SYT14: variants seen among roughly 807,000 people sequenced by gnomAD.
SYT14 encodes synaptotagmin 14, also known as synaptotagmin-14.
In SYT14, 32 loss-of-function variants were observed where a neutral mutation model predicts 74.2. That is an observed-to-expected ratio of 0.43 (90% CI 0.33 to 0.58). The LOEUF (loss-of-function observed/expected upper bound fraction) is 0.58, where lower values mean the gene tolerates loss of function less well. SYT14 is among the 20% of genes least tolerant of loss of function. The probability of loss-of-function intolerance (pLI) is 0.05; values close to 1 mark genes in which losing one functional copy is unlikely to be tolerated. For missense variants in SYT14, 791 were observed against 981.8 expected (o/e 0.81, Z 2.60); for synonymous variants, 298 against 337.7 (o/e 0.88, Z 1.29).
intron 5 of SYT14, among the ~76,000 whole-genome samples, chr1:210,056,541 C>G (rs1014580052): frequency 1.3e-5 from 2 of 151,364 alleles, no homozygotes; most frequent in Non-Finnish European, 2.9e-5. Flanking sequence ...TGGGGCCGGG[C>G]ACAGTGGCTC....
chr1:210,140,864 T>G (rs11800867), intron 7 of SYT14, among the ~76,000 whole-genome samples: 2,812 of 152,264 alleles, frequency 0.018, 102 homozygotes, highest in African/African-American at 0.063. Context: ...TATTTGTCTA[T>G]CCTTCTGCCA....
chr1:209,946,406 A>G (rs1266209295), intron 1 of SYT14, among the ~76,000 whole-genome samples: 1 of 152,250 alleles, frequency 6.6e-6, no homozygotes, highest in Non-Finnish European at 1.5e-5. Context: ...TGTAGTGAAC[A>G]CATGAGTGAC....
intron 2 of SYT14, among the ~76,000 whole-genome samples, chr1:209,995,347 A>G (rs539256138): frequency 6.6e-6 from 1 of 152,320 alleles, no homozygotes; most frequent in Non-Finnish European, 1.5e-5. Flanking sequence ...TTCTTATATC[A>G]GATAAAACAT....
Position 210,021,255 on chromosome 1 carries a change from G to A in SYT14, c.1312+1G>A. 1 of 1,613,016 alleles carries A rather than the reference G, an allele frequency of 6.2e-7. No homozygotes were observed. ...AGTAGTGAAGCATCAATAGATGAAG[G>A]TAAGATGGGCTGTTTTATTTTTTTT... On this transcript the variant is annotated splice_donor_variant, in intron 5 of 9. Coordinates refer to ENST00000637265, the Ensembl canonical transcript of SYT14. LOFTEE classifies it high-confidence loss of function.
chr1:210,045,401 C>G (rs1164914825), intron 5 of SYT14, among the ~76,000 whole-genome samples: 1 of 152,168 alleles, frequency 6.6e-6, no homozygotes, highest in South Asian at 2.1e-4. Context: ...TTCAAATTAA[C>G]ACACTTAAAA....
intron 5 of SYT14, among the ~76,000 whole-genome samples, chr1:210,054,686 CAT>C (rs754732827): frequency 1.6e-4 from 25 of 152,178 alleles, no homozygotes; most frequent in Non-Finnish European, 3.5e-4. Context: ...CAGACTCCCA[CAT>C]GTCAGTGTTT....
intron 7 of SYT14, among the ~76,000 whole-genome samples, chr1:210,136,257 G>A (rs1225211102): frequency 6.6e-6 from 1 of 151,998 alleles, no homozygotes; most frequent in Non-Finnish European, 1.5e-5. Flanking sequence ...CATATTGAGA[G>A]GTGTGTGTGT....
At chr1:209,962,432 T>TA (rs2079090632) in intron 2 of SYT14, among the ~76,000 whole-genome samples, 1 of 152,000 alleles carries the variant, frequency 6.6e-6, no homozygotes, top group Non-Finnish European at 1.5e-5. Context: ...GTTGTGAATT[T>TA]ATAGAGCCTC....
Position 210,111,701 on chromosome 1 carries a change from G to A in SYT14, c.2034+11240G>A, listed in dbSNP as rs191986950. Reference sequence around the variant, plus strand: ...GAATGATTGGTGATGGCCTGGATGCGGTTTTGTATGAATTGAAAAAGTAAA... The same window carrying A: ...GAATGATTGGTGATGGCCTGGATGCAGTTTTGTATGAATTGAAAAAGTAAA... On this transcript the variant is annotated intron_variant, in intron 7 of 9. Transcript: ENST00000637265. Among the ~76,000 whole-genome samples, 58 of 151,194 alleles carry A rather than the reference G, an allele frequency of 3.8e-4. 5 individuals are homozygous for A. Among genetic ancestry groups the A allele is most frequent in the African/African-American group, 1.3e-3 (53 of 40,564 alleles).
intron 2 of SYT14, among the ~76,000 whole-genome samples, chr1:209,983,111 G>A (rs989472962): frequency 3.3e-5 from 5 of 151,676 alleles, no homozygotes; most frequent in Non-Finnish European, 7.4e-5. Flanking sequence ...TATCAAATGT[G>A]TCTTTTGCAA....
At chr1:210,032,683 A>G (rs1445295493) in intron 5 of SYT14, among the ~76,000 whole-genome samples, 1 of 150,746 alleles carries the variant, frequency 6.6e-6, no homozygotes, top group Admixed American at 6.6e-5. Context: ...ATTGAGAAGT[A>G]GAGTGTAAAT....
chr1:210,110,222 A>G (rs1374452120), intron 7 of SYT14, among the ~76,000 whole-genome samples: 4 of 152,202 alleles, frequency 2.6e-5, no homozygotes, highest in Non-Finnish European at 5.9e-5. Flanking sequence ...CCTACGTAAC[A>G]AACCTGCAGA....
At chr1:210,030,047 G>T (rs554487381) in intron 5 of SYT14, among the ~76,000 whole-genome samples, 2 of 151,966 alleles carry the variant, frequency 1.3e-5, no homozygotes, top group Non-Finnish European at 2.9e-5. Context: ...TTTTCAGATT[G>T]TTCATTATTA....
exon 10 of SYT14, chr1:210,167,316 G>A (rs2083466223): frequency 6.6e-6 from 1 of 152,164 alleles, no homozygotes; most frequent in Non-Finnish European, 1.5e-5. Flanking sequence ...TGCAGTACTG[G>A]ATTCTTCTCT....
At chr1:210,023,741 G>T (rs1383914992) in intron 5 of SYT14, among the ~76,000 whole-genome samples, 1 of 152,184 alleles carries the variant, frequency 6.6e-6, no homozygotes, top group Non-Finnish European at 1.5e-5. Flanking sequence ...TGGGGTCTAG[G>T]TGAGTTAGAC....
intron 5 of SYT14, among the ~76,000 whole-genome samples, chr1:210,088,624 G>A (rs1240553812): frequency 6.6e-6 from 1 of 151,970 alleles, no homozygotes; most frequent in Non-Finnish European, 1.5e-5. Flanking sequence ...AGAAAATGTG[G>A]CACATATATA....
chr1:209,943,508 C>CAAAAAAAAAAAAAAA (rs58806792), intron 1 of SYT14, among the ~76,000 whole-genome samples: 2 of 59,308 alleles, frequency 3.4e-5, no homozygotes, highest in African/African-American at 1.3e-4. Flanking sequence ...GATTCAATCT[C>CAAAAAAAAAAAAAAA]AAAAAAAAAA....
At chr1:210,048,199 C>T (rs2080922406) in intron 5 of SYT14, among the ~76,000 whole-genome samples, 1 of 152,144 alleles carries the variant, frequency 6.6e-6, no homozygotes, top group Admixed American at 6.5e-5. Context: ...GTTATCCACT[C>T]CTGTCATTTT....
At chr1:210,065,775 T>G (rs2081284187) in intron 5 of SYT14, among the ~76,000 whole-genome samples, 1 of 152,010 alleles carries the variant, frequency 6.6e-6, no homozygotes, top group Admixed American at 6.6e-5. Context: ...GTGCACAACG[T>G]GCAGGTTTGT....
Sources: gnomAD v4.1 joint callset for allele counts (sites outside exome capture counted in the v4.1 genomes callset) on GRCh38, gnomAD v4.1.1 for gene constraint, MANE v1.5 for transcripts, NCBI Gene and HGNC (gene_info 2026-07-23, HGNC 2026-07-21) for gene names.